The following SCHIP1 variants were observed in gnomAD, a reference collection of about 807,000 sequenced individuals.
SCHIP1 encodes the protein schwannomin interacting protein 1.
SCHIP1 carries 8 observed loss-of-function variants against 29.7 expected under a neutral mutation model. That is an observed-to-expected ratio of 0.27 (90% CI 0.16 to 0.49). The LOEUF is 0.49. SCHIP1 is among the 20% of genes least tolerant of loss of function. The probability of loss-of-function intolerance (pLI) is 0.99; values close to 1 mark genes in which losing one functional copy is unlikely to be tolerated. For synonymous variants in SCHIP1, 76 were observed against 94.9 expected (o/e 0.80, Z 1.16); for missense variants, 193 against 294.6 (o/e 0.66, Z 2.52).
At chr3:159,581,530 T>G in the SCHIP1 span, among the ~76,000 whole-genome samples, 2 of 152,050 alleles carry the variant, frequency 1.3e-5, no homozygotes, top group Non-Finnish European at 2.9e-5. Flanking sequence ...GGAAGCCAAA[T>G]AAGATGCAGT....
chr3:159,400,598 C>G, the SCHIP1 span, among the ~76,000 whole-genome samples: 4 of 152,194 alleles, frequency 2.6e-5, no homozygotes, highest in African/African-American at 9.6e-5. Flanking sequence ...TTTCTTTCTA[C>G]TACAACAGTA....
the SCHIP1 span, among the ~76,000 whole-genome samples, chr3:159,402,926 T>TATAATA: frequency 6.6e-6 from 1 of 151,304 alleles, no homozygotes; most frequent in Non-Finnish European, 1.5e-5. Flanking sequence ...AAACTTAAAG[T>TATAATA]ATAATAATAA....
At chr3:159,408,142 C>CA in the SCHIP1 span, among the ~76,000 whole-genome samples, 18 of 151,834 alleles carry the variant, frequency 1.2e-4, no homozygotes, top group South Asian at 3.7e-3. Flanking sequence ...ACTAAAAATA[C>CA]AAAAAATTAG....
At chr3:159,817,063 T>C in the SCHIP1 span, among the ~76,000 whole-genome samples, 1 of 152,208 alleles carries the variant, frequency 6.6e-6, no homozygotes, top group African/African-American at 2.4e-5. Context: ...AGGCTGGGAC[T>C]GTGTCTTATC....
At chr3:159,273,984 C>A in the SCHIP1 span, 2 of 1,527,726 alleles carry the variant, frequency 1.3e-6, no homozygotes, top group Admixed American at 2.1e-5. Flanking sequence ...TAAATTTAAG[C>A]TGATGGCCTT....
At chr3:159,387,029 C>T in the SCHIP1 span, 279 of 160,250 alleles carry the variant, frequency 1.7e-3, no homozygotes, top group Middle Eastern at 8.8e-3. Context: ...ATTGCCAGTG[C>T]ATCTGAGGGC....
At chr3:159,324,606 A>G in the SCHIP1 span, among the ~76,000 whole-genome samples, 28 of 152,172 alleles carry the variant, frequency 1.8e-4, no homozygotes, top group Admixed American at 1.8e-3. Context: ...TGGAATTATT[A>G]CCTTAAAACA....
At chr3:159,765,764 G>A in the SCHIP1 span, 4 of 152,226 alleles carry the variant, frequency 2.6e-5, no homozygotes, top group Non-Finnish European at 5.9e-5. Flanking sequence ...GGGGTAAATG[G>A]ACCTGTCAGG....
the SCHIP1 span, among the ~76,000 whole-genome samples, chr3:159,700,521 G>GA: frequency 6.6e-6 from 1 of 152,084 alleles, no homozygotes; most frequent in Non-Finnish European, 1.5e-5. Context: ...TGTAATGGTA[G>GA]AAAAAGATGC....
At chr3:159,732,505 T>C in the SCHIP1 span, among the ~76,000 whole-genome samples, 1 of 152,164 alleles carries the variant, frequency 6.6e-6, no homozygotes, top group Non-Finnish European at 1.5e-5. Context: ...CTAGAGAATT[T>C]CAGGGTCAGC....
the SCHIP1 span, among the ~76,000 whole-genome samples, chr3:159,592,105 A>C: frequency 6.6e-6 from 1 of 152,126 alleles, no homozygotes; most frequent in African/African-American, 2.4e-5. Flanking sequence ...AGCAAACACA[A>C]GTTGAAGTAC....
the SCHIP1 span, among the ~76,000 whole-genome samples, chr3:159,330,171 G>A: frequency 6.6e-6 from 1 of 152,190 alleles, no homozygotes; most frequent in Non-Finnish European, 1.5e-5. Flanking sequence ...AGATTGTCAA[G>A]AGGCAGTTAC....
the SCHIP1 span, among the ~76,000 whole-genome samples, chr3:159,719,205 T>G: frequency 8.5e-5 from 13 of 152,232 alleles, no homozygotes; most frequent in Admixed American, 8.5e-4. Context: ...ACCCGATCCC[T>G]TCCTTATACC....
At chr3:159,742,698 C>T in the SCHIP1 span, among the ~76,000 whole-genome samples, 1 of 151,338 alleles carries the variant, frequency 6.6e-6, no homozygotes. Context: ...GACAGAGTCT[C>T]GCTCCATCAC....
chr3:159,403,570 A>C, the SCHIP1 span, among the ~76,000 whole-genome samples: 1 of 152,216 alleles, frequency 6.6e-6, no homozygotes, highest in Admixed American at 6.5e-5. Context: ...GGAAGAACTC[A>C]GCTGGTGCCC....
chr3:159,752,099 G>A, the SCHIP1 span, among the ~76,000 whole-genome samples: 1 of 141,680 alleles, frequency 7.1e-6, no homozygotes, highest in African/African-American at 2.6e-5. Flanking sequence ...TGTAAAATGT[G>A]CCTGTTTCCC....
the SCHIP1 span, among the ~76,000 whole-genome samples, chr3:159,767,755 T>C: frequency 6.6e-6 from 1 of 152,006 alleles, no homozygotes; most frequent in African/African-American, 2.4e-5. Flanking sequence ...AGAGAAGCTG[T>C]CCCCCACCAC....
At chr3:159,275,057 T>C in the SCHIP1 span, 4 of 973,846 alleles carry the variant, frequency 4.1e-6, no homozygotes, top group Non-Finnish European at 4.9e-6. Context: ...ACTTACATTT[T>C]GACAGTGTAT....
the SCHIP1 span, among the ~76,000 whole-genome samples, chr3:159,802,567 A>G: frequency 3.3e-5 from 5 of 152,346 alleles, no homozygotes; most frequent in South Asian, 8.3e-4. Flanking sequence ...ATTTCTTTCC[A>G]TGTCTGAGAG....
Sources: allele counts gnomAD v4.1 joint callset (sites outside exome capture counted in the v4.1 genomes callset), GRCh38; gene constraint gnomAD v4.1.1; transcripts MANE v1.5; gene names NCBI Gene and HGNC (gene_info 2026-07-23, HGNC 2026-07-21).